Variants in NEU1 observed in about 807,000 individuals in gnomAD.
NEU1 encodes the protein neuraminidase 1, also known as sialidase-1.
NEU1 carries 32 observed loss-of-function variants against 38.3 expected under a neutral mutation model. The ratio of observed to expected loss-of-function variants is 0.84; its 90% CI spans 0.63 to 1.12. The LOEUF is 1.12. NEU1 is among the 50% of genes most tolerant of loss of function. The probability of loss-of-function intolerance (pLI) is 0.00; values close to 1 mark genes in which losing one functional copy is unlikely to be tolerated. For missense variants in NEU1, 431 were observed against 549.2 expected (o/e 0.78, Z 2.15); for synonymous variants, 192 against 225.2 (o/e 0.85, Z 1.32).
In NEU1 at chr6:31,858,126, G is replaced by A. The variant is rs1048171143; in HGVS notation, c.*1593C>T. On this transcript the variant is annotated 3_prime_UTR_variant, in exon 6 of 6. Coordinates refer to ENST00000375631, the MANE Select transcript of NEU1 (RefSeq NM_000434.4). ...GATCCGCCCACCTTGGCCTCCCAAA[G>A]TGCTGGGATTATATGTGTGAGCCAC... 1.3e-5 allele frequency: 2 copies of A among 152,102 alleles called. No individual in the cohort carries two copies. Among genetic ancestry groups the A allele is most frequent in the Non-Finnish European group, 2.9e-5 (2 of 68,048 alleles). The allele number at this position is 152,102 out of a possible 1,614,324, so 9.4% of individuals were successfully genotyped here.
rs1762586645 is a variant in NEU1 at position 31,862,799 on chromosome 6, C to G, written c.-23G>C. The G allele has an allele frequency of 6.2e-7, 1 of 1,612,352 alleles. No individual in the cohort carries two copies. Among genetic ancestry groups the G allele is most frequent in the African/African-American group, 1.3e-5 (1 of 75,042 alleles). The stretch of plus-strand genomic sequence containing the variant: ...CATCTCTCCCCGCAGCTGCCGCGAC[C>G]CTGGCAGCTAGACTCCACAGAGTCG... On this transcript the variant is annotated 5_prime_UTR_variant, in exon 1 of 6. Coordinates refer to ENST00000375631, the MANE Select transcript of NEU1 (RefSeq NM_000434.4). This position sits in a 1 kb window ranked among gnomAD's most constrained non-coding sequence, Gnocchi z 6.3.
At position 31,862,287 on chromosome 6, in the gene NEU1, C is replaced by T. The variant is rs1762552610; in HGVS notation, c.160-96G>A. 7.5e-7 allele frequency: 1 copy of T among 1,326,588 alleles called. No homozygotes were observed. The highest frequency in any genetic ancestry group is 1.9e-5 in the Admixed American group (1 of 52,918). 82.2% of individuals were successfully genotyped at this position (1,326,588 alleles called of 1,614,324 possible). A position where few individuals can be genotyped will look rare whatever the true frequency, so the allele number is the denominator to read the frequency against. The stretch of plus-strand genomic sequence containing the variant: ...GGGAGAGGGAGGATCTAATGGGGAT[C>T]CCGAGTAGGGGATGGGGTCCCAGAA... On this transcript the variant is annotated intron_variant, in intron 1 of 5. Transcript: ENST00000375631. The surrounding 1 kb of genome is among the most constrained non-coding windows in gnomAD (Gnocchi z 6.3).
Position 31,862,070 on chromosome 6 carries a change from G to A in NEU1, c.281C>T (p.Ala94Val). The change falls in exon 2 of 6, where the codon GCT (alanine) becomes GTT (valine). Residue 94 changes from alanine to valine, a missense_variant. Physicochemically the swap from Ala to Val is moderately conservative, Grantham distance 64. Coordinates refer to ENST00000375631, the MANE Select transcript of NEU1 (RefSeq NM_000434.4). The surrounding 1 kb of genome is among the most constrained non-coding windows in gnomAD (Gnocchi z 6.3). ...ATPRGTLLAF[A>V]EARKMSSSDE... ...GGATGAGGACATTTTCCTCGCCTCA[G>A]CAAAGGCGAGAAGAGTGCCCCGCGG... 6.2e-7 allele frequency: 1 copy of A among 1,613,086 alleles called. No homozygotes were observed. The highest frequency in any genetic ancestry group is 8.5e-7 in the Non-Finnish European group (1 of 1,180,040).
rs773138731 is a variant in NEU1, at chr6:31,860,419, A to T, written c.798+20T>A. ...GCAGGGAGGGTCAAATGGGTAGGGA[A>T]CATCTCATGGACTCCTGACCTGGCA... is the stretch of plus-strand genomic sequence containing the variant. On this transcript the variant is annotated intron_variant, in intron 4 of 5. Coordinates refer to ENST00000375631, the MANE Select transcript of NEU1 (RefSeq NM_000434.4). The surrounding 1 kb of genome is among the most constrained non-coding windows in gnomAD (Gnocchi z 4.8). 9 of 1,613,850 alleles carry T rather than the reference A, an allele frequency of 5.6e-6. No homozygotes were observed. In the South Asian group the frequency reaches 9.9e-5, roughly 18 times the overall value.
In NEU1 at chr6:31,858,750, C is replaced by T. The variant is rs1188397450; in HGVS notation, c.*969G>A. On this transcript the variant is annotated 3_prime_UTR_variant, in exon 6 of 6. Coordinates refer to ENST00000375631, the MANE Select transcript of NEU1 (RefSeq NM_000434.4). Reference sequence around the variant, plus strand: ...GGAATGTAGGCTGGGTGCGGTGGCTCATAGCTGTAACCTCAGCACTTTGGG... The same window carrying T: ...GGAATGTAGGCTGGGTGCGGTGGCTTATAGCTGTAACCTCAGCACTTTGGG... The T allele has an allele frequency of 6.6e-6, 1 of 151,994 alleles. No individual in the cohort carries two copies. The highest frequency in any genetic ancestry group is 2.4e-5 in the African/African-American group (1 of 41,344). The allele number at this position is 151,994 out of a possible 1,614,324, so 9.4% of individuals were successfully genotyped here. A position where few individuals can be genotyped will look rare whatever the true frequency, so the allele number is the denominator to read the frequency against.
chr6:31,861,128 G>T (rs1261310944), intron 3 of NEU1, 60 bp downstream of exon 3: 13 of 1,607,706 alleles, frequency 8.1e-6, no homozygotes, highest in Admixed American at 1.7e-5. Flanking sequence ...AGTCCATTTG[G>T]GGGTATCCCT....
Position 31,860,530 on chromosome 6 carries a change from T to G in NEU1, c.707A>C (p.His236Pro). 1 of 1,614,042 alleles carries G rather than the reference T, an allele frequency of 6.2e-7. No individual in the cohort carries two copies. The highest frequency in any genetic ancestry group is 8.5e-7 in the Non-Finnish European group (1 of 1,180,000). Residue 236 changes from histidine (H) to proline (P), a missense_variant, in exon 4 of 6, where the codon CAT becomes CCT. Physicochemically the swap from His to Pro is moderately conservative, Grantham distance 77. Coordinates refer to ENST00000375631, the MANE Select transcript of NEU1 (RefSeq NM_000434.4). The surrounding 1 kb of genome is among the most constrained non-coding windows in gnomAD (Gnocchi z 4.8). ...DGVFCLLSDD[H>P]GASWRYGSGV... ...ACTTCCGTAGCGCCAGGAGGCACCATGATCATCGCTGAGGAGACAGAAGAC... is the reference window on the plus strand; with the variant it reads ...ACTTCCGTAGCGCCAGGAGGCACCAGGATCATCGCTGAGGAGACAGAAGAC...
At position 31,859,305 on chromosome 6, in the gene NEU1, GC is replaced by G. The variant is rs1186648421; in HGVS notation, c.*413del. The G allele has an allele frequency of 2.9e-6, 1 of 350,582 alleles. No individual in the cohort carries two copies. Among genetic ancestry groups the G allele is most frequent in the East Asian group, 6.4e-5 (1 of 15,694 alleles). 21.7% of individuals were successfully genotyped at this position (350,582 alleles called of 1,614,324 possible). A position where few individuals can be genotyped will look rare whatever the true frequency, so the allele number is the denominator to read the frequency against. ...TCCTTACTCTGAAACCAAATATCCT[GC>G]CATCTGGGGACTTTCACCAGCCCTG... is the stretch of plus-strand genomic sequence containing the variant. On this transcript the variant is annotated 3_prime_UTR_variant, in exon 6 of 6. Coordinates refer to ENST00000375631, the MANE Select transcript of NEU1 (RefSeq NM_000434.4).
Position 31,859,559 on chromosome 6 carries a change from AG to A in NEU1, c.*159del. On this transcript the variant is annotated 3_prime_UTR_variant, in exon 6 of 6. Transcript: ENST00000375631. ...GAGGACGCCTAGCTTTCAGTCCTAAAGGAAGTGATTTCCCTGGTAAAGGGAA... is the reference window on the plus strand; with the variant it reads ...GAGGACGCCTAGCTTTCAGTCCTAAAGAAGTGATTTCCCTGGTAAAGGGAA... 1.3e-6 allele frequency: 1 copy of A among 757,040 alleles called. No individual in the cohort carries two copies. Among genetic ancestry groups the A allele is most frequent in the Admixed American group, 2.0e-5 (1 of 49,822 alleles). 46.9% of individuals were successfully genotyped at this position (757,040 alleles called of 1,614,324 possible).
Position 31,859,693 on chromosome 6 carries a change from G to A in NEU1, c.*26C>T. On this transcript the variant is annotated 3_prime_UTR_variant, in exon 6 of 6. Transcript: ENST00000375631. ...TCCTGAAGGCAGAGTCCTGAAGGCAGAATACCCCTGTGGCAGTGGCACAGC... is the reference window on the plus strand; with the variant it reads ...TCCTGAAGGCAGAGTCCTGAAGGCAAAATACCCCTGTGGCAGTGGCACAGC... The A allele has an allele frequency of 6.2e-7, 1 of 1,608,664 alleles. No individual in the cohort carries two copies. Among genetic ancestry groups the A allele is most frequent in the Non-Finnish European group, 8.5e-7 (1 of 1,176,958 alleles).
rs998887883 is a variant in NEU1, at chr6:31,858,332, C to A, written c.*1387G>T. The A allele has an allele frequency of 6.6e-6, 1 of 151,856 alleles. No homozygotes were observed. The highest frequency in any genetic ancestry group is 6.6e-5 in the Admixed American group (1 of 15,220). 9.4% of individuals were successfully genotyped at this position (151,856 alleles called of 1,614,324 possible). A position where few individuals can be genotyped will look rare whatever the true frequency, so the allele number is the denominator to read the frequency against. On this transcript the variant is annotated 3_prime_UTR_variant, in exon 6 of 6. Transcript: ENST00000375631. ...CTAAAAATTAAAAAAATCAGCCCGC[C>A]GGCACCATGGCTCATGCTTGTAATC...
chr6:31,860,456 T>C lies in NEU1; in HGVS notation c.781A>G (p.Asn261Asp). The change falls in exon 4 of 6, where the codon AAT becomes GAT. Residue 261 changes from asparagine (N) to aspartate (D), a missense_variant. By Grantham distance (23) the Asn-to-Asp change is conservative. Coordinates refer to ENST00000375631, the MANE Select transcript of NEU1 (RefSeq NM_000434.4). This position sits in a 1 kb window ranked among gnomAD's most constrained non-coding sequence, Gnocchi z 4.8. ...YGQPKQENDF[N>D]PDECQPYELP... ...CTCCTGACCTGGCATTCATCAGGAT[T>C]GAAATCATTTTCCTGCTTGGGCTGA... 3 of 1,613,892 alleles carry C rather than the reference T, an allele frequency of 1.9e-6. No individual in the cohort carries two copies. Among genetic ancestry groups the C allele is most frequent in the Non-Finnish European group, 2.5e-6 (3 of 1,179,954 alleles).
rs746517185 is a variant in NEU1 at position 31,860,250 on chromosome 6, T to C, written c.813A>G (p.Pro271=). The C allele has an allele frequency of 2.4e-5, 38 of 1,613,040 alleles. No homozygotes were observed. Among genetic ancestry groups the C allele is most frequent in the Non-Finnish European group, 3.1e-5 (36 of 1,180,004 alleles). ...NPDECQPYEL[P]DGSVVINARN... ...GGGCATTGATGACGACTGAGCCATC[T>C]GGGAGCTCATAGGGCTGAGGGGAGA... The change falls in exon 5 of 6, where the codon CCA becomes CCG. Residue 271 remains proline, a synonymous_variant. Transcript: ENST00000375631. This position sits in a 1 kb window ranked among gnomAD's most constrained non-coding sequence, Gnocchi z 4.8.
rs745930347 is a variant in NEU1, at chr6:31,862,788, G to A, written c.-12C>T. The A allele has an allele frequency of 2.5e-6, 4 of 1,612,512 alleles. No individual in the cohort carries two copies. Among genetic ancestry groups the A allele is most frequent in the Non-Finnish European group, 3.4e-6 (4 of 1,179,852 alleles). ...CGCTCCCCAGTCATCTCTCCCCGCA[G>A]CTGCCGCGACCCTGGCAGCTAGACT... On this transcript the variant is annotated 5_prime_UTR_variant, in exon 1 of 6. Transcript: ENST00000375631. The surrounding 1 kb of genome is among the most constrained non-coding windows in gnomAD (Gnocchi z 6.3).
rs1762485079 is a variant in NEU1, at chr6:31,860,959, G to A, written c.615+229C>T. 1.6e-6 allele frequency: 1 copy of A among 634,700 alleles called. No individual in the cohort carries two copies. Among genetic ancestry groups the A allele is most frequent in the Non-Finnish European group, 2.7e-6 (1 of 367,286 alleles). The allele number at this position is 634,700 out of a possible 1,614,324, so 39.3% of individuals were successfully genotyped here. A position where few individuals can be genotyped will look rare whatever the true frequency, so the allele number is the denominator to read the frequency against. On this transcript the variant is annotated intron_variant, in intron 3 of 5. Transcript: ENST00000375631. The surrounding 1 kb of genome is among the most constrained non-coding windows in gnomAD (Gnocchi z 4.8). ...TTTTTCTACTTTGCATGAGGGTATT[G>A]CATGGACTAACGCAGTCCTGTTGAC... is the stretch of plus-strand genomic sequence containing the variant.
chr6:31,861,175 C>G lies in NEU1; in HGVS notation c.615+13G>C. ...CAAGGCAGCCCCCTCCACCTATCTC[C>G]TAGGACAGAGACCTGAATACCAGAG... On this transcript the variant is annotated intron_variant, in intron 3 of 5. Coordinates refer to ENST00000375631, the MANE Select transcript of NEU1 (RefSeq NM_000434.4). 6.2e-7 allele frequency: 1 copy of G among 1,611,204 alleles called. No homozygotes were observed. The highest frequency in any genetic ancestry group is 8.5e-7 in the Non-Finnish European group (1 of 1,179,980).
At position 31,862,190 on chromosome 6, in the gene NEU1, A is replaced by T; in HGVS notation, c.161T>A (p.Val54Glu). The stretch of plus-strand genomic sequence containing the variant: ...TTGCTCCATGGTCACCAGCGGCTGC[A>T]CCTGTCATGGGAGGAGGAAGGGTCA... ...WSKAENDFGL[V>E]QPLVTMEQLL... The change falls in exon 2 of 6, where the codon GTG becomes GAG. Residue 54 changes from valine to glutamate, a missense_variant and splice_region_variant. Val to Glu is a moderately radical substitution (Grantham distance 121). Coordinates refer to ENST00000375631, the MANE Select transcript of NEU1 (RefSeq NM_000434.4). The surrounding 1 kb of genome is among the most constrained non-coding windows in gnomAD (Gnocchi z 6.3). 6.2e-7 allele frequency: 1 copy of T among 1,612,636 alleles called. No homozygotes were observed. The highest frequency in any genetic ancestry group is 1.1e-5 in the South Asian group (1 of 91,066).
Position 31,860,940 on chromosome 6 carries a change from T to C in NEU1, c.615+248A>G. 1.6e-6 allele frequency: 1 copy of C among 625,046 alleles called. No homozygotes were observed. The allele number at this position is 625,046 out of a possible 1,614,324, so 38.7% of individuals were successfully genotyped here. A position where few individuals can be genotyped will look rare whatever the true frequency, so the allele number is the denominator to read the frequency against. ...TGTCCAAAGAGGCAGTGCCTTTTTC[T>C]ACTTTGCATGAGGGTATTGCATGGA... On this transcript the variant is annotated intron_variant, in intron 3 of 5. Transcript: ENST00000375631. The surrounding 1 kb of genome is among the most constrained non-coding windows in gnomAD (Gnocchi z 4.8).
chr6:31,861,855 A>G (rs919856809), intron 2 of NEU1, 144 bp downstream of exon 2: 1 of 888,726 alleles, frequency 1.1e-6, no homozygotes, highest in Non-Finnish European at 1.9e-6. Context: ...TGTCCTAGAC[A>G]CTTGCCCTTC....
Sources: allele counts gnomAD v4.1 joint callset, GRCh38; gene constraint gnomAD v4.1.1; non-coding constraint Gnocchi (gnomAD v3.1); transcripts MANE v1.5; gene names NCBI Gene and HGNC (gene_info 2026-07-23, HGNC 2026-07-21).